Variants in ZFP1 observed in about 807,000 individuals in gnomAD.
ZFP1 encodes zinc finger protein 1 homolog.
A neutral mutation model predicts 38.5 loss-of-function variants in ZFP1; 32 were observed. The observed-to-expected ratio is 0.83, with a 90% CI of 0.63 to 1.12. The LOEUF (loss-of-function observed/expected upper bound fraction) is 1.12. Ranked by LOEUF, ZFP1 falls within the 50% of genes most tolerant of loss-of-function variation. The pLI, the probability that ZFP1 is intolerant of heterozygous loss-of-function variation, is 0.00. For missense variants in ZFP1, 616 were observed against 480.8 expected (o/e 1.28, Z -2.63); for synonymous variants, 245 against 168.8 (o/e 1.45, Z -3.50).
upstream of ZFP1, chr16:75,148,442 T>G (rs1018571544): frequency 1.3e-5 from 2 of 152,378 alleles, no homozygotes; most frequent in East Asian, 3.9e-4. Flanking sequence ...CGAACGTGGA[T>G]GGTCCACCCC....
At chr16:75,133,765 TC>T in the ZFP1 span, among the ~76,000 whole-genome samples, 1 of 152,294 alleles carries the variant, frequency 6.6e-6, no homozygotes, top group East Asian at 1.9e-4. Context: ...TTTTAGATCT[TC>T]TGCCAGGCAT....
chr16:75,170,346 G>C lies in ZFP1; in HGVS notation c.*12G>C. On this transcript the variant is annotated 3_prime_UTR_variant, in exon 4 of 4. Coordinates refer to ENST00000570010, the MANE Select transcript of ZFP1 (RefSeq NM_153688.4). ...GGGAGAAACCCTGAAACTCCAGCCA[G>C]GTCTTACTGTGGAAAACTCCTGCCA... 1.3e-6 allele frequency: 2 copies of C among 1,549,962 alleles called. No homozygotes were observed. Among genetic ancestry groups the C allele is most frequent in the Non-Finnish European group, 1.7e-6 (2 of 1,149,004 alleles).
chr16:75,132,135 C>T, the ZFP1 span, among the ~76,000 whole-genome samples: 2 of 152,242 alleles, frequency 1.3e-5, no homozygotes, highest in Admixed American at 1.3e-4. Flanking sequence ...CACTTGTCAT[C>T]CCAGCGCTTT....
upstream of ZFP1, among the ~76,000 whole-genome samples, chr16:75,144,688 G>A (rs745481589): frequency 5.3e-5 from 8 of 152,156 alleles, no homozygotes; most frequent in Non-Finnish European, 1.0e-4. Context: ...TACCGTTTAA[G>A]CACTAACTCC....
chr16:75,138,886 G>C, the ZFP1 span, among the ~76,000 whole-genome samples: 1 of 152,116 alleles, frequency 6.6e-6, no homozygotes, highest in Non-Finnish European at 1.5e-5. Context: ...CCCAGTATGT[G>C]GTCCTTTGTG....
At chr16:75,160,198 A>G (rs1275206440) in intron 2 of ZFP1, among the ~76,000 whole-genome samples, 1 of 152,176 alleles carries the variant, frequency 6.6e-6, no homozygotes, top group Non-Finnish European at 1.5e-5. Context: ...TTGTGCTGCC[A>G]TGGCAGAATA....
chr16:75,155,510 T>C (rs1178419375), intron 2 of ZFP1, among the ~76,000 whole-genome samples: 5 of 152,238 alleles, frequency 3.3e-5, no homozygotes, highest in African/African-American at 1.2e-4. Context: ...AGGTTGCTCA[T>C]TCTTTTTTTT....
intron 2 of ZFP1, among the ~76,000 whole-genome samples, chr16:75,153,316 T>C (rs1184504295): frequency 1.3e-5 from 2 of 152,188 alleles, no homozygotes; most frequent in East Asian, 3.8e-4. Flanking sequence ...GATTATTGTA[T>C]GTATTTGGTT....
the ZFP1 span, among the ~76,000 whole-genome samples, chr16:75,142,905 T>C: frequency 6.6e-6 from 1 of 152,264 alleles, no homozygotes; most frequent in African/African-American, 2.4e-5. Flanking sequence ...TTTCACCATA[T>C]TGGCCAGGCT....
chr16:75,158,773 T>C (rs1294594739), intron 2 of ZFP1, among the ~76,000 whole-genome samples: 4 of 152,086 alleles, frequency 2.6e-5, no homozygotes, highest in African/African-American at 9.7e-5. Flanking sequence ...TAATCTTAAC[T>C]GACCACCTCT....
At chr16:75,129,510 C>A in the ZFP1 span, among the ~76,000 whole-genome samples, 1 of 152,296 alleles carries the variant, frequency 6.6e-6, no homozygotes, top group South Asian at 2.1e-4. Context: ...GAGATAAATG[C>A]GTATCCTTTT....
the ZFP1 span, among the ~76,000 whole-genome samples, chr16:75,140,017 C>T: frequency 1.3e-5 from 2 of 152,148 alleles, no homozygotes; most frequent in African/African-American, 2.4e-5. Flanking sequence ...GCCTGTAATC[C>T]TCCCATTTTG....
the ZFP1 span, among the ~76,000 whole-genome samples, chr16:75,125,903 A>G: frequency 6.6e-6 from 1 of 151,892 alleles, no homozygotes; most frequent in African/African-American, 2.4e-5. Flanking sequence ...TTAGCCAGGC[A>G]TGATGGCAGG....
intron 2 of ZFP1, among the ~76,000 whole-genome samples, chr16:75,156,047 A>G (rs1435533356): frequency 6.6e-6 from 1 of 152,202 alleles, no homozygotes; most frequent in Non-Finnish European, 1.5e-5. Context: ...CTAAGAAGAA[A>G]TGAAACCACT....
the ZFP1 span, among the ~76,000 whole-genome samples, chr16:75,140,518 T>G: frequency 6.6e-6 from 1 of 152,242 alleles, no homozygotes; most frequent in Non-Finnish European, 1.5e-5. Flanking sequence ...TTTATTCTTA[T>G]TGTCCCCCCA....
chr16:75,151,992 G>C (rs1216979244), intron 1 of ZFP1, among the ~76,000 whole-genome samples: 2 of 152,046 alleles, frequency 1.3e-5, no homozygotes, highest in South Asian at 2.1e-4. Flanking sequence ...TGCTTTAGTT[G>C]CTTTTTTGTT....
At chr16:75,151,393 T>C (rs956192651) in intron 1 of ZFP1, among the ~76,000 whole-genome samples, 8 of 152,160 alleles carry the variant, frequency 5.3e-5, no homozygotes, top group African/African-American at 1.9e-4. Flanking sequence ...TTTTTTTCTG[T>C]TTTTCTTATT....
At chr16:75,130,856 C>T in the ZFP1 span, among the ~76,000 whole-genome samples, 2 of 151,196 alleles carry the variant, frequency 1.3e-5, no homozygotes, top group African/African-American at 4.9e-5. Flanking sequence ...GGGATAAAGA[C>T]CATTCCACGG....
the ZFP1 span, among the ~76,000 whole-genome samples, chr16:75,120,003 A>T: frequency 2.0e-5 from 3 of 152,260 alleles, no homozygotes; most frequent in African/African-American, 7.2e-5. Flanking sequence ...TGAAAGAGCA[A>T]TGGCTGTGCT....
Sources: gnomAD v4.1 joint callset for allele counts (sites outside exome capture counted in the v4.1 genomes callset) on GRCh38, gnomAD v4.1.1 for gene constraint, MANE v1.5 for transcripts, NCBI Gene and HGNC (gene_info 2026-07-23, HGNC 2026-07-21) for gene names.